The following TULP3 variants were observed in gnomAD, a reference collection of about 807,000 sequenced individuals.
TULP3 encodes the protein tubby-related protein 3.
TULP3 carries 38 observed loss-of-function variants against 50.7 expected under a neutral mutation model. The observed-to-expected ratio is 0.75, with a 90% confidence interval of 0.58 to 0.98. The LOEUF is 0.98. Ranked by LOEUF, TULP3 falls within the 50% of genes least tolerant of loss-of-function variation. The probability of loss-of-function intolerance (pLI) is 0.00; values close to 1 mark genes in which losing one functional copy is unlikely to be tolerated. For missense variants in TULP3, 550 were observed against 568.0 expected, an observed-to-expected ratio of 0.97 and a Z score of 0.32; for synonymous variants, 183 against 196.6, an observed-to-expected ratio of 0.93 and a Z score of 0.58.
At position 2,940,843 on chromosome 12, in the gene TULP3, C is replaced by T. The variant is rs2098204414; in HGVS notation, c.*1399C>T. ...GGCATGTATCCCACCAAGTGCCTCC[C>T]TCACAGCCATGCCCAGAAGCCTCAC... On this transcript the variant is annotated 3_prime_UTR_variant, in exon 11 of 11. Coordinates refer to ENST00000448120, the MANE Select transcript of TULP3 (RefSeq NM_003324.5). The T allele has an allele frequency of 6.4e-6, 6 of 939,830 alleles. No homozygotes were observed. In the South Asian group the frequency reaches 1.0e-4, roughly 16 times the overall value. 58.2% of individuals were successfully genotyped at this position (939,830 alleles called of 1,614,324 possible). A position where few individuals can be genotyped will look rare whatever the true frequency, so the allele number is the denominator to read the frequency against.
intron 2 of TULP3, among the ~76,000 whole-genome samples, chr12:2,912,443 C>T (rs187453994): frequency 5.3e-5 from 8 of 152,272 alleles, no homozygotes; most frequent in African/African-American, 1.4e-4. Flanking sequence ...CCATCAGTGA[C>T]GGTGGCACAT....
At chr12:2,908,924 G>GATCT (rs2098183917) in intron 1 of TULP3, among the ~76,000 whole-genome samples, 1 of 152,178 alleles carries the variant, frequency 6.6e-6, no homozygotes, top group Non-Finnish European at 1.5e-5. Context: ...AGTAAGTTTA[G>GATCT]TGAAATGCCC....
intron 8 of TULP3, among the ~76,000 whole-genome samples, chr12:2,936,979 A>G (rs1044785413): frequency 2.6e-5 from 4 of 150,968 alleles, no homozygotes; most frequent in Non-Finnish European, 5.9e-5. Flanking sequence ...GCGTGGTGGC[A>G]TGCGCCTGTA....
chr12:2,934,248 C>T (rs1227100016), intron 7 of TULP3, among the ~76,000 whole-genome samples, 199 bp from the exon 8 acceptor site: 1 of 152,070 alleles, frequency 6.6e-6, no homozygotes, highest in East Asian at 1.9e-4. Context: ...GACCCTGTCT[C>T]GAATTAGTAA....
chr12:2,921,604 G>A (rs772780755), intron 3 of TULP3, among the ~76,000 whole-genome samples: 3 of 152,110 alleles, frequency 2.0e-5, no homozygotes, highest in Admixed American at 2.0e-4. Flanking sequence ...GATGGGGAGG[G>A]GCGGAGGAAG....
intron 1 of TULP3, among the ~76,000 whole-genome samples, chr12:2,900,426 T>G (rs1474248188): frequency 6.6e-6 from 1 of 152,110 alleles, no homozygotes; most frequent in Non-Finnish European, 1.5e-5. Context: ...AGTGCAAAAT[T>G]TAAATGTCCA....
chr12:2,929,891 C>G (rs1262835045), intron 4 of TULP3, among the ~76,000 whole-genome samples: 4 of 152,110 alleles, frequency 2.6e-5, no homozygotes, highest in African/African-American at 9.7e-5. Flanking sequence ...GCCCAGCCTG[C>G]CCTGCCTAAA....
At chr12:2,901,460 C>G (rs566011328) in intron 1 of TULP3, among the ~76,000 whole-genome samples, 7 of 152,062 alleles carry the variant, frequency 4.6e-5, no homozygotes, top group Non-Finnish European at 8.8e-5. Context: ...CAGCTCACTG[C>G]AACTTCTGCC....
At chr12:2,898,132 A>G (rs1195619943) in intron 1 of TULP3, among the ~76,000 whole-genome samples, 2 of 151,214 alleles carry the variant, frequency 1.3e-5, no homozygotes, top group African/African-American at 2.4e-5. Flanking sequence ...AGTGCTTACT[A>G]TGAGCCAAGT....
At chr12:2,891,128 C>T in intron 1 of TULP3, 140 bp downstream of exon 1, 2 of 971,678 alleles carry the variant, frequency 2.1e-6, no homozygotes, top group Admixed American at 3.8e-5. Flanking sequence ...GTTTCGGCGG[C>T]GGGAGGCGAC....
At position 2,900,442 on chromosome 12, in the gene TULP3, T is replaced by G. The variant is rs527342241; in HGVS notation, c.42-9087T>G. On this transcript the variant is annotated intron_variant, in intron 1 of 10. Transcript: ENST00000448120. ...GTGCAAAATTTAAATGTCCAAAAAC[T>G]GAAAGGGAATAATGATCGGTGACTG... is the stretch of plus-strand genomic sequence containing the variant. Among the ~76,000 whole-genome samples, 3 of 152,134 alleles carry G rather than the reference T, an allele frequency of 2.0e-5. No individual in the cohort carries two copies. The South Asian group carries it at 6.2e-4, about 32-fold the overall frequency.
chr12:2,922,257 C>A lies in TULP3; in HGVS notation c.254-5C>A. 6.2e-7 allele frequency: 1 copy of A among 1,607,742 alleles called. No homozygotes were observed. Among genetic ancestry groups the A allele is most frequent in the Non-Finnish European group, 8.5e-7 (1 of 1,178,476 alleles). ...TTTTAAAATTCATTTTATTTTGGCC[C>A]TTAGGTATTGATGGTCCAGCTGCTG... On this transcript the variant is annotated splice_region_variant and splice_polypyrimidine_tract_variant and intron_variant, in intron 3 of 10. Transcript: ENST00000448120.
At chr12:2,931,909 C>CAA (rs2098198283) in intron 6 of TULP3, among the ~76,000 whole-genome samples, 1 of 151,812 alleles carries the variant, frequency 6.6e-6, no homozygotes, top group South Asian at 2.1e-4. Context: ...GGATTTCTTA[C>CAA]CTCTGCTTTA....
chr12:2,891,979 G>C (rs1391313807), intron 1 of TULP3, among the ~76,000 whole-genome samples: 1 of 152,022 alleles, frequency 6.6e-6, no homozygotes, highest in Non-Finnish European at 1.5e-5. Context: ...CCAGCGACTC[G>C]AGAGACTGAG....
chr12:2,930,996 A>T (rs2098197658), intron 5 of TULP3, 41 bp from the exon 6 acceptor site: 3 of 1,606,144 alleles, frequency 1.9e-6, no homozygotes, highest in South Asian at 2.2e-5. Context: ...TCAGATTTTG[A>T]GTCTCGGCCT....
intron 1 of TULP3, among the ~76,000 whole-genome samples, chr12:2,898,779 A>G (rs1206701677): frequency 6.6e-6 from 1 of 151,984 alleles, no homozygotes; most frequent in Non-Finnish European, 1.5e-5. Context: ...TCCTGGGTTC[A>G]AGCAGTCCTC....
chr12:2,940,321 TAAA>T lies in TULP3; in HGVS notation c.*892_*894del, dbSNP rs371211844. Reference sequence around the variant, plus strand: ...GGCAGTATTGACCATTTAGTTTAGTTAAAAAAAAAAAAAAAAAGGTGGCAGGAG... The same window carrying T: ...GGCAGTATTGACCATTTAGTTTAGTTAAAAAAAAAAAAAAGGTGGCAGGAG... On this transcript the variant is annotated 3_prime_UTR_variant, in exon 11 of 11. Transcript: ENST00000448120. 20,890 of 1,299,412 alleles carry T rather than the reference TAAA, an allele frequency of 0.016. No homozygotes were observed. The highest frequency in any genetic ancestry group is 0.04 in the East Asian group (1,208 of 29,938). The allele number at this position is 1,299,412 out of a possible 1,614,324, so 80.5% of individuals were successfully genotyped here. A position where few individuals can be genotyped will look rare whatever the true frequency, so the allele number is the denominator to read the frequency against.
At chr12:2,936,833 T>TGC (rs2098201547) in intron 8 of TULP3, among the ~76,000 whole-genome samples, 1 of 151,962 alleles carries the variant, frequency 6.6e-6, no homozygotes, top group Middle Eastern at 3.4e-3. Flanking sequence ...ATAGGCCAGG[T>TGC]GCAGTGGCTC....
At chr12:2,912,715 G>C (rs2098186332) in intron 2 of TULP3, among the ~76,000 whole-genome samples, 1 of 152,152 alleles carries the variant, frequency 6.6e-6, no homozygotes, top group African/African-American at 2.4e-5. Flanking sequence ...GAATTAGCTG[G>C]TCATTACATT....
Sources: gnomAD v4.1 joint callset for allele counts (sites outside exome capture counted in the v4.1 genomes callset) on GRCh38, gnomAD v4.1.1 for gene constraint, MANE v1.5 for transcripts, NCBI Gene and HGNC (gene_info 2026-07-23, HGNC 2026-07-21) for gene names.